The following PTPRJ variants were observed in gnomAD, a reference collection of about 807,000 sequenced individuals.
PTPRJ encodes the protein protein tyrosine phosphatase receptor type J.
PTPRJ carries 129 observed loss-of-function variants against 141.3 expected under a neutral mutation model. That is an observed-to-expected ratio of 0.91 (90% CI 0.79 to 1.06). The LOEUF (loss-of-function observed/expected upper bound fraction) is 1.06. Among genes scored for constraint, PTPRJ ranks in the 50% least tolerant of loss-of-function variants. The pLI is 0.00. For synonymous variants in PTPRJ, 610 were observed against 640.5 expected (o/e 0.95, Z 0.72); for missense variants, 1,601 against 1,679.7 (o/e 0.95, Z 0.82).
chr11:48,079,778 A>G (rs1454358918), intron 1 of PTPRJ, among the ~76,000 whole-genome samples: 2 of 152,126 alleles, frequency 1.3e-5, no homozygotes, highest in African/African-American at 4.8e-5. Context: ...GGGGAAGCTG[A>G]TGACTGCTTT....
chr11:48,081,100 C>T (rs1018142350), intron 1 of PTPRJ, among the ~76,000 whole-genome samples: 2 of 152,270 alleles, frequency 1.3e-5, no homozygotes, highest in African/African-American at 4.8e-5. Flanking sequence ...TTCCCGGAAG[C>T]GCCCAGGTGT....
At chr11:48,137,698 C>T (rs1424902824) in intron 10 of PTPRJ, among the ~76,000 whole-genome samples, 1 of 152,120 alleles carries the variant, frequency 6.6e-6, no homozygotes, top group Non-Finnish European at 1.5e-5. Context: ...ACCACTGTAT[C>T]TGGAGGCTGG....
At chr11:48,061,818 A>G (rs1418153878) in intron 1 of PTPRJ, among the ~76,000 whole-genome samples, 4 of 150,800 alleles carry the variant, frequency 2.7e-5, no homozygotes, top group African/African-American at 4.9e-5. Flanking sequence ...CAACAACTCC[A>G]TGTTGTGTGA....
intron 2 of PTPRJ, among the ~76,000 whole-genome samples, chr11:48,112,546 G>T (rs775021615): frequency 2.0e-5 from 3 of 152,174 alleles, no homozygotes; most frequent in Non-Finnish European, 4.4e-5. Context: ...CTGCACTCTC[G>T]TGGCCAGGTA....
intron 1 of PTPRJ, among the ~76,000 whole-genome samples, chr11:47,997,749 A>G (rs1240698995): frequency 6.6e-6 from 1 of 152,132 alleles, no homozygotes; most frequent in Non-Finnish European, 1.5e-5. Context: ...CACACAAGAG[A>G]TATGCCCTGT....
chr11:48,089,667 T>C (rs1855816776), intron 1 of PTPRJ, among the ~76,000 whole-genome samples: 1 of 152,236 alleles, frequency 6.6e-6, no homozygotes, highest in Admixed American at 6.5e-5. Context: ...AATGTCCGTA[T>C]ATAAATTTTT....
intron 1 of PTPRJ, 127 bp from the exon 2 acceptor site, chr11:48,109,931 A>C: frequency 1.9e-6 from 2 of 1,034,122 alleles, no homozygotes; most frequent in Admixed American, 3.6e-5. Context: ...CCTGACCAGC[A>C]GACCTTTGCT....
chr11:48,084,733 G>C (rs1377242080), intron 1 of PTPRJ, among the ~76,000 whole-genome samples: 1 of 152,180 alleles, frequency 6.6e-6, no homozygotes. Flanking sequence ...GGAGTACGTA[G>C]TGTGACCTCT....
chr11:48,062,445 G>A (rs1461896185), intron 1 of PTPRJ, among the ~76,000 whole-genome samples: 5 of 151,862 alleles, frequency 3.3e-5, no homozygotes, highest in African/African-American at 9.7e-5. Context: ...CCCAGGAGGC[G>A]GAGCTTGCAG....
At chr11:48,037,869 T>C (rs1854167103) in intron 1 of PTPRJ, among the ~76,000 whole-genome samples, 1 of 152,010 alleles carries the variant, frequency 6.6e-6, no homozygotes, top group South Asian at 2.1e-4. Flanking sequence ...CTATACAGGC[T>C]GACCCCATAC....
chr11:48,026,105 C>T (rs1056665695), intron 1 of PTPRJ, among the ~76,000 whole-genome samples: 4 of 152,196 alleles, frequency 2.6e-5, no homozygotes, highest in Admixed American at 6.5e-5. Context: ...CCACCACAGC[C>T]CTTATGACAT....
chr11:48,105,370 A>G (rs540573528), intron 1 of PTPRJ, among the ~76,000 whole-genome samples: 205 of 152,282 alleles, frequency 1.3e-3, no homozygotes, highest in African/African-American at 4.8e-3. Context: ...AGCATGGACA[A>G]CAGCATGGAC....
At chr11:48,146,763 G>T in intron 14 of PTPRJ, 113 bp from the exon 15 acceptor site, 1 of 778,902 alleles carries the variant, frequency 1.3e-6, no homozygotes, top group South Asian at 1.4e-5. Flanking sequence ...GCATGTGTGT[G>T]TATGGTATAC....
At chr11:48,157,053 G>A (rs1590567342) in intron 21 of PTPRJ, among the ~76,000 whole-genome samples, 1 of 151,956 alleles carries the variant, frequency 6.6e-6, no homozygotes, top group East Asian at 1.9e-4. Flanking sequence ...GCCGTGGTGT[G>A]ATCTTGGCTT....
rs141309542 is a variant in PTPRJ at position 48,131,972 on chromosome 11, T to C, written c.1615+1256T>C. 18 of 207,336 alleles carry C rather than the reference T, an allele frequency of 8.7e-5. No individual in the cohort carries two copies. The East Asian group carries it at 2.7e-3, about 32-fold the overall frequency. The allele number at this position is 207,336 out of a possible 1,614,324, so 12.8% of individuals were successfully genotyped here. A position where few individuals can be genotyped will look rare whatever the true frequency, so the allele number is the denominator to read the frequency against. ...GTCTAATGGAATATATGCTGTGGAT[T>C]CTTACATTTTAAAAATTTCTTCATT... On this transcript the variant is annotated intron_variant, in intron 8 of 24. Coordinates refer to ENST00000418331, the MANE Select transcript of PTPRJ (RefSeq NM_002843.4).
intron 1 of PTPRJ, among the ~76,000 whole-genome samples, chr11:48,070,501 A>C (rs1287068425): frequency 1.9e-5 from 2 of 107,140 alleles, no homozygotes; most frequent in African/African-American, 7.7e-5. Flanking sequence ...CTCTGTCTCC[A>C]AAAAAAAAAA....
chr11:48,130,386 T>C, intron 7 of PTPRJ, 73 bp from the exon 8 acceptor site: 1 of 1,427,788 alleles, frequency 7.0e-7, no homozygotes. Flanking sequence ...CATCTCAGTA[T>C]TTTCTGAGGT....
intron 1 of PTPRJ, among the ~76,000 whole-genome samples, chr11:48,095,162 G>A (rs1855971960): frequency 6.6e-6 from 1 of 152,154 alleles, no homozygotes; most frequent in African/African-American, 2.4e-5. Flanking sequence ...ACTGGAACAG[G>A]GGATTATTTG....
intron 1 of PTPRJ, among the ~76,000 whole-genome samples, chr11:48,099,194 A>G: frequency 6.6e-6 from 1 of 152,186 alleles, no homozygotes. Flanking sequence ...TCCAGGGTAA[A>G]TGGATGATTC....
Sources: allele counts gnomAD v4.1 joint callset (sites outside exome capture counted in the v4.1 genomes callset), GRCh38; gene constraint gnomAD v4.1.1; transcripts MANE v1.5; gene names NCBI Gene and HGNC (gene_info 2026-07-23, HGNC 2026-07-21).